MEGF10: variants seen among roughly 807,000 people sequenced by gnomAD.
MEGF10 encodes the protein multiple EGF like domains 10, also known as multiple epidermal growth factor-like domains protein 10.
In MEGF10, 86 loss-of-function variants were observed where a neutral mutation model predicts 147.5. The observed-to-expected ratio is 0.58, with a 90% CI of 0.49 to 0.70. MEGF10 has a LOEUF of 0.70. MEGF10 is among the 30% of genes least tolerant of loss of function. MEGF10 has a pLI of 0.00. For missense variants in MEGF10, 1,329 were observed against 1,487.3 expected (o/e 0.89, Z 1.75); for synonymous variants, 478 against 525.5 (o/e 0.91, Z 1.24).
chr5:127,396,486 T>G, intron 5 of MEGF10, 46 bp from the exon 6 acceptor site: 2 of 1,460,762 alleles, frequency 1.4e-6, no homozygotes, highest in East Asian at 2.5e-5. Flanking sequence ...AGAAATCTGG[T>G]TCTCCCTTAC....
At chr5:127,365,865 G>T (rs1237627814) in intron 4 of MEGF10, among the ~76,000 whole-genome samples, 1 of 152,166 alleles carries the variant, frequency 6.6e-6, no homozygotes, top group Non-Finnish European at 1.5e-5. Context: ...AAGGACATGG[G>T]TAGGGAATAA....
intron 22 of MEGF10, among the ~76,000 whole-genome samples, chr5:127,453,625 G>T (rs1766239402): frequency 6.6e-6 from 1 of 152,106 alleles, no homozygotes; most frequent in South Asian, 2.1e-4. Context: ...AAAGTCCTAT[G>T]GCCAATAAGT....
the MEGF10 span, among the ~76,000 whole-genome samples, chr5:127,231,051 C>T: frequency 6.6e-6 from 1 of 152,194 alleles, no homozygotes; most frequent in African/African-American, 2.4e-5. Context: ...CCCACTACCT[C>T]TTACACGGGA....
intron 5 of MEGF10, among the ~76,000 whole-genome samples, chr5:127,393,758 G>C (rs143954261): frequency 0.026 from 3,876 of 151,886 alleles, 74 homozygotes; most frequent in Non-Finnish European, 0.041. Flanking sequence ...TATGCTGATA[G>C]TTATCAGTTT....
chr5:127,447,342 A>AT (rs940387570), intron 20 of MEGF10, among the ~76,000 whole-genome samples: 4 of 151,614 alleles, frequency 2.6e-5, no homozygotes, highest in African/African-American at 9.7e-5. Flanking sequence ...TGCCCGGCTA[A>AT]TTTTTTTTGT....
At chr5:127,404,860 C>T (rs113548639) in intron 8 of MEGF10, among the ~76,000 whole-genome samples, 15,735 of 151,902 alleles carry the variant, frequency 0.1, 934 homozygotes, top group Non-Finnish European at 0.13. Context: ...GGATTACAGG[C>T]GCATGCTGCC....
At chr5:127,256,778 T>C in the MEGF10 span, among the ~76,000 whole-genome samples, 2 of 152,184 alleles carry the variant, frequency 1.3e-5, no homozygotes, top group African/African-American at 4.8e-5. Flanking sequence ...AATAAAGCTT[T>C]GTAGGGTAGA....
At chr5:127,265,127 C>G in the MEGF10 span, among the ~76,000 whole-genome samples, 1 of 152,168 alleles carries the variant, frequency 6.6e-6, no homozygotes, top group Non-Finnish European at 1.5e-5. Flanking sequence ...TCCAAGTGTT[C>G]TCATTGTTCA....
chr5:127,317,400 C>G (rs762905844), intron 1 of MEGF10, among the ~76,000 whole-genome samples: 8 of 152,202 alleles, frequency 5.3e-5, no homozygotes, highest in Non-Finnish European at 1.0e-4. Flanking sequence ...GTGCCCATGC[C>G]TATGTCCTGA....
chr5:127,387,834 G>A (rs1763491126), intron 5 of MEGF10, among the ~76,000 whole-genome samples: 1 of 152,174 alleles, frequency 6.6e-6, no homozygotes, highest in South Asian at 2.1e-4. Flanking sequence ...GAAACTCAAT[G>A]TATCTTAGAA....
At chr5:127,291,638 G>C (rs530278676) in intron 1 of MEGF10, among the ~76,000 whole-genome samples, 1 of 152,274 alleles carries the variant, frequency 6.6e-6, no homozygotes, top group South Asian at 2.1e-4. Context: ...AGTATGCTTG[G>C]CTCCTTAAGG....
intron 5 of MEGF10, among the ~76,000 whole-genome samples, chr5:127,380,653 G>T (rs188810301): frequency 1.6e-3 from 251 of 152,194 alleles, no homozygotes; most frequent in Non-Finnish European, 3.0e-3. Context: ...AAGTAGCTGG[G>T]ATTACAGGTG....
chr5:127,435,281 A>T, intron 15 of MEGF10, 80 bp from the exon 16 acceptor site: 1 of 1,549,934 alleles, frequency 6.5e-7, no homozygotes, highest in Non-Finnish European at 8.8e-7. Flanking sequence ...TGACCTTTAA[A>T]GTTATTTCCT....
chr5:127,361,055 AGTTGGG>A (rs1762454105), intron 4 of MEGF10, among the ~76,000 whole-genome samples: 2 of 151,952 alleles, frequency 1.3e-5, no homozygotes, highest in Non-Finnish European at 2.9e-5. Flanking sequence ...TTGGCCTCAC[AGTTGGG>A]AAGCTGGGAA....
chr5:127,292,675 G>A (rs1759314512), intron 1 of MEGF10, among the ~76,000 whole-genome samples: 1 of 152,088 alleles, frequency 6.6e-6, no homozygotes, highest in Admixed American at 6.6e-5. Context: ...GTCATGGATG[G>A]GCACCAAAGA....
intron 13 of MEGF10, among the ~76,000 whole-genome samples, chr5:127,430,436 T>A (rs1055743625): frequency 2.0e-5 from 3 of 152,186 alleles, no homozygotes; most frequent in South Asian, 2.1e-4. Context: ...TGCAGGGTTA[T>A]CCTTACATGG....
At chr5:127,313,037 T>A (rs1464657451) in intron 1 of MEGF10, among the ~76,000 whole-genome samples, 1 of 152,200 alleles carries the variant, frequency 6.6e-6, no homozygotes, top group Admixed American at 6.6e-5. Context: ...AGGAAATTAA[T>A]CTAAGAATTT....
the MEGF10 span, among the ~76,000 whole-genome samples, chr5:127,249,244 T>C: frequency 1.3e-5 from 2 of 152,046 alleles, no homozygotes; most frequent in African/African-American, 4.8e-5. Context: ...AAGATTCTTA[T>C]ATTCTATGTG....
rs752168698 is a variant in MEGF10 at position 127,422,746 on chromosome 5, A to G, written c.1667A>G (p.His556Arg). The G allele has an allele frequency of 1.3e-5, 21 of 1,613,930 alleles. No homozygotes were observed. In the South Asian group the frequency reaches 1.8e-4, roughly 14 times the overall value. ...GATGGCTGCCACCCTACCACGGGCC[A>G]TTGCCGCTGCCTCCCCGGATGGTCA... ...HADGCHPTTG[H>R]CRCLPGWSGV... The change falls in exon 13 of 25, where the codon CAT (histidine) becomes CGT (arginine). Residue 556 changes from histidine (H) to arginine (R), a missense_variant. Coordinates refer to ENST00000503335, the MANE Select transcript of MEGF10 (RefSeq NM_001256545.2).
Sources: allele counts gnomAD v4.1 joint callset (sites outside exome capture counted in the v4.1 genomes callset), GRCh38; gene constraint gnomAD v4.1.1; transcripts MANE v1.5; gene names NCBI Gene and HGNC (gene_info 2026-07-23, HGNC 2026-07-21).